The following PTGER3 variants were observed in gnomAD, a reference collection of about 807,000 sequenced individuals.
PTGER3 encodes the protein prostaglandin E2 receptor EP3 subtype.
PTGER3 carries 22 observed loss-of-function variants against 34.7 expected under a neutral mutation model. That is an observed-to-expected ratio of 0.63 (90% CI 0.45 to 0.91). The LOEUF is 0.91. Among genes scored for constraint, PTGER3 ranks in the 40% least tolerant of loss-of-function variants. The pLI is 0.00. For synonymous variants in PTGER3, 241 were observed against 230.1 expected, an observed-to-expected ratio of 1.05 and a Z score of -0.43; for missense variants, 468 against 519.4, an observed-to-expected ratio of 0.90 and a Z score of 0.96.
intron 1 of PTGER3, among the ~76,000 whole-genome samples, chr1:71,027,748 A>G (rs1343721187): frequency 2.0e-5 from 3 of 152,122 alleles, no homozygotes; most frequent in Non-Finnish European, 2.9e-5. Context: ...AAAAGTAAAA[A>G]GAAACATTTT....
chr1:70,990,442 AAT>A (rs140935303), intron 2 of PTGER3, among the ~76,000 whole-genome samples: 59,382 of 146,776 alleles, frequency 0.4, 12,391 homozygotes, highest in East Asian at 0.67. Context: ...ATCAATGTAT[AAT>A]ATATATATAC....
intron 4 of PTGER3, among the ~76,000 whole-genome samples, chr1:70,865,373 TAGAG>T (rs138364089): frequency 0.015 from 2,251 of 151,978 alleles, 42 homozygotes; most frequent in African/African-American, 0.038. Flanking sequence ...GAGCTGGAAA[TAGAG>T]AGACAGATTA....
At chr1:71,004,374 A>G (rs1656755211) in intron 2 of PTGER3, among the ~76,000 whole-genome samples, 1 of 152,190 alleles carries the variant, frequency 6.6e-6, no homozygotes, top group Non-Finnish European at 1.5e-5. Flanking sequence ...ATCAAAATGT[A>G]TGATAATAAC....
At chr1:70,955,655 G>T (rs573464903) in intron 2 of PTGER3, among the ~76,000 whole-genome samples, 1 of 152,076 alleles carries the variant, frequency 6.6e-6, no homozygotes, top group Admixed American at 6.5e-5. Context: ...TATCCATCCT[G>T]CCCTTGTCCT....
chr1:71,028,979 A>G (rs2100938528), intron 1 of PTGER3, among the ~76,000 whole-genome samples: 1 of 152,352 alleles, frequency 6.6e-6, no homozygotes, highest in Middle Eastern at 3.4e-3. Flanking sequence ...TGATTCACTC[A>G]ACACTATTTA....
In PTGER3 at chr1:70,886,741, G is replaced by A. The variant is rs144467230; in HGVS notation, c.*24-33882C>T. On this transcript the variant is annotated intron_variant, in intron 4 of 4. Coordinates refer to the PTGER3 transcript ENST00000370931. ...TCATGAGGACAGGAATTTTTGTACT[G>A]TTCTTTATCTCCAGGGCTAAGCACA... is the stretch of plus-strand genomic sequence containing the variant. Among the ~76,000 whole-genome samples, 614 of 152,244 alleles carry A rather than the reference G, an allele frequency of 4.0e-3. 4 individuals are homozygous for A. The highest frequency in any genetic ancestry group is 0.014 in the African/African-American group (592 of 41,540).
At chr1:71,013,202 A>C (rs1415888546) in intron 1 of PTGER3, among the ~76,000 whole-genome samples, 4 of 152,160 alleles carry the variant, frequency 2.6e-5, no homozygotes, top group Admixed American at 6.5e-5. Context: ...AGCAGATAGC[A>C]GATGTTCAGT....
At chr1:70,875,140 C>T (rs970122547) in intron 4 of PTGER3, among the ~76,000 whole-genome samples, 2 of 152,182 alleles carry the variant, frequency 1.3e-5, no homozygotes, top group Non-Finnish European at 2.9e-5. Context: ...TGCAAAAAGT[C>T]CTTGGAGACT....
At chr1:70,989,851 G>A (rs1397359847) in intron 2 of PTGER3, among the ~76,000 whole-genome samples, 1 of 151,826 alleles carries the variant, frequency 6.6e-6, no homozygotes, top group East Asian at 1.9e-4. Context: ...AGTGCCTTCT[G>A]AATTATCAAA....
chr1:70,924,165 A>T (rs1396046084), intron 4 of PTGER3, among the ~76,000 whole-genome samples: 2 of 152,166 alleles, frequency 1.3e-5, no homozygotes, highest in Non-Finnish European at 2.9e-5. Flanking sequence ...CTTGGCTTAA[A>T]AAAAAAGTCT....
At chr1:71,013,686 G>T (rs1011575735) in intron 1 of PTGER3, among the ~76,000 whole-genome samples, 3 of 145,112 alleles carry the variant, frequency 2.1e-5, no homozygotes, top group African/African-American at 7.7e-5. Flanking sequence ...TGGGCAACAA[G>T]AGCAAAACTC....
intron 4 of PTGER3, among the ~76,000 whole-genome samples, chr1:70,899,400 T>G (rs966745488): frequency 8.5e-5 from 13 of 152,150 alleles, no homozygotes; most frequent in African/African-American, 3.1e-4. Flanking sequence ...GCACCCAGAC[T>G]GAGTCTCAAA....
intron 2 of PTGER3, among the ~76,000 whole-genome samples, chr1:70,963,419 C>A (rs1029879047): frequency 6.6e-6 from 1 of 152,198 alleles, no homozygotes; most frequent in Non-Finnish European, 1.5e-5. Context: ...AGAGGCTCTC[C>A]ATGAGGGCCC....
At chr1:71,023,878 A>G (rs1160185395) in intron 1 of PTGER3, among the ~76,000 whole-genome samples, 1 of 151,474 alleles carries the variant, frequency 6.6e-6, no homozygotes, top group Non-Finnish European at 1.5e-5. Context: ...TTGACCATAA[A>G]CTGAGGTCTC....
intron 2 of PTGER3, chr1:71,009,299 C>G: frequency 1.0e-6 from 1 of 983,810 alleles, no homozygotes; most frequent in Non-Finnish European, 1.2e-6. Context: ...GCAACATGGT[C>G]GGATATTTCA....
chr1:71,000,084 G>C (rs971721911), intron 2 of PTGER3, among the ~76,000 whole-genome samples: 1 of 152,192 alleles, frequency 6.6e-6, no homozygotes, highest in Non-Finnish European at 1.5e-5. Flanking sequence ...AAAATGTCCA[G>C]ACATTGATAA....
chr1:71,005,903 T>C (rs1256922853), intron 2 of PTGER3: 1 of 865,598 alleles, frequency 1.2e-6, no homozygotes. Context: ...ATAATCACAA[T>C]TGTACATATT....
At position 70,971,701 on chromosome 1, in the gene PTGER3, G is replaced by T; in HGVS notation, c.*29C>A. Reference sequence around the variant, plus strand: ...ATGCAAATTCAGGGAAGCAGGAATTGCAATAAAATGTCCAACTCCGTTCTT... The same window carrying T: ...ATGCAAATTCAGGGAAGCAGGAATTTCAATAAAATGTCCAACTCCGTTCTT... On this transcript the variant is annotated 3_prime_UTR_variant, in exon 4 of 4. Coordinates refer to ENST00000306666, the MANE Select transcript of PTGER3 (RefSeq NM_198719.2). 4 of 1,558,172 alleles carry T rather than the reference G, an allele frequency of 2.6e-6. No individual in the cohort carries two copies. The highest frequency in any genetic ancestry group is 2.3e-5 in the East Asian group (1 of 42,588).
intron 4 of PTGER3, among the ~76,000 whole-genome samples, chr1:70,891,371 C>T (rs908752983): frequency 6.6e-6 from 1 of 152,196 alleles, no homozygotes. Flanking sequence ...CTACAGATGC[C>T]ATCCTCAGAC....
Sources: gnomAD v4.1 joint callset for allele counts (sites outside exome capture counted in the v4.1 genomes callset) on GRCh38, gnomAD v4.1.1 for gene constraint, MANE v1.5 for transcripts, NCBI Gene and HGNC (gene_info 2026-07-23, HGNC 2026-07-21) for gene names.